The following TTC34 variants were observed in gnomAD, a reference collection of about 807,000 sequenced individuals.
TTC34 encodes tetratricopeptide repeat domain 34, also known as tetratricopeptide repeat protein 34.
A neutral mutation model predicts 40.7 loss-of-function variants in TTC34; 44 were observed. The observed-to-expected ratio is 1.08, with a 90% CI of 0.85 to 1.39. The LOEUF is 1.39. TTC34 is among the 40% of genes most tolerant of loss of function. The probability of loss-of-function intolerance (pLI) is 0.00; values close to 1 mark genes in which losing one functional copy is unlikely to be tolerated. For missense variants in TTC34, 884 were observed against 838.0 expected, an observed-to-expected ratio of 1.05 and a Z score of -0.68; for synonymous variants, 422 against 398.6, an observed-to-expected ratio of 1.06 and a Z score of -0.70.
chr1:2,677,763 C>G (rs1311985389), intron 6 of TTC34, among the ~76,000 whole-genome samples: 9 of 146,312 alleles, frequency 6.2e-5, no homozygotes, highest in Non-Finnish European at 1.2e-4. Flanking sequence ...CCTGGAACAG[C>G]ACCCACACCC....
chr1:2,781,735 C>T (rs1598644), intron 6 of TTC34, among the ~76,000 whole-genome samples: 11,032 of 152,156 alleles, frequency 0.073, 929 homozygotes, highest in African/African-American at 0.21. Flanking sequence ...TAAAAGGGTG[C>T]TGAATTTTGT....
At chr1:2,687,054 G>T (rs1640393458) in intron 6 of TTC34, among the ~76,000 whole-genome samples, 1 of 141,974 alleles carries the variant, frequency 7.0e-6, no homozygotes, top group East Asian at 2.0e-4. Context: ...CCCCAGGCGT[G>T]CATCCGACAG....
chr1:2,660,672 C>CTG (rs1639516033), intron 6 of TTC34, among the ~76,000 whole-genome samples: 2 of 35,452 alleles, frequency 5.6e-5, no homozygotes, highest in Admixed American at 6.8e-4. Context: ...TGCCCACACA[C>CTG]CCAGGCGAGC....
In TTC34 at chr1:2,656,368, ACCCACACCCACAGG is replaced by A; in HGVS notation, c.2227-10819_2227-10806del. On this transcript the variant is annotated intron_variant, in intron 6 of 8. Transcript: ENST00000401095. ...TGAGCATCTGACAGCCTGGAACAGC[ACCCACACCCACAGG>A]TGAGCATCTGACAGCATGTAACAGC... Among the ~76,000 whole-genome samples, 52 of 95,972 alleles carry A rather than the reference ACCCACACCCACAGG, an allele frequency of 5.4e-4. 1 individual carries two copies. Among genetic ancestry groups the A allele is most frequent in the Non-Finnish European group, 8.5e-4 (42 of 49,620 alleles). The allele number at this position is 95,972 out of a possible 152,430, so 63.0% of individuals were successfully genotyped here. A position where few individuals can be genotyped will look rare whatever the true frequency, so the allele number is the denominator to read the frequency against.
chr1:2,758,818 C>T (rs1272346643), intron 6 of TTC34, among the ~76,000 whole-genome samples: 13 of 34,124 alleles, frequency 3.8e-4, no homozygotes, highest in Middle Eastern at 0.011. Flanking sequence ...CATCTGACAG[C>T]CTGAAGCAGC....
chr1:2,677,713 C>A (rs1403573046), intron 6 of TTC34, among the ~76,000 whole-genome samples: 9 of 151,124 alleles, frequency 6.0e-5, no homozygotes, highest in African/African-American at 1.9e-4. Flanking sequence ...ATCTGACAGC[C>A]TGGAACAGCA....
chr1:2,688,319 GAACCCCA>G (rs1640465839), intron 6 of TTC34, among the ~76,000 whole-genome samples: 5 of 63,618 alleles, frequency 7.9e-5, no homozygotes, highest in African/African-American at 4.7e-4. Flanking sequence ...GCCTGGAGCA[GAACCCCA>G]CACCCCCAGG....
intron 6 of TTC34, among the ~76,000 whole-genome samples, chr1:2,649,240 C>A (rs1454407603): frequency 2.0e-5 from 3 of 151,958 alleles, no homozygotes; most frequent in Admixed American, 2.0e-4. Context: ...TGGAACAGGA[C>A]CCCACAACCC....
At chr1:2,792,172 G>T (rs1643670494) in intron 2 of TTC34, among the ~76,000 whole-genome samples, 1 of 151,394 alleles carries the variant, frequency 6.6e-6, no homozygotes, top group South Asian at 2.1e-4. Flanking sequence ...CTCACTTTTG[G>T]ATGTTTTTTG....
intron 5 of TTC34, among the ~76,000 whole-genome samples, 174 bp from the exon 6 acceptor site, chr1:2,783,949 G>C (rs970011220): frequency 6.6e-6 from 1 of 152,104 alleles, no homozygotes. Flanking sequence ...TGGGGGCATT[G>C]GCTGCAGGGC....
intron 6 of TTC34, among the ~76,000 whole-genome samples, chr1:2,759,891 G>GTATCTGAAAGCGTGGAA (rs1641637700): frequency 1.6e-4 from 23 of 145,340 alleles, no homozygotes; most frequent in South Asian, 4.4e-4. Context: ...CCTCAGGTGA[G>GTATCTGAAAGCGTGGAA]CATCTGACAG....
intron 6 of TTC34, among the ~76,000 whole-genome samples, chr1:2,755,723 A>T (rs1264152377): frequency 4.0e-5 from 2 of 49,504 alleles, no homozygotes; most frequent in Non-Finnish European, 7.9e-5. Context: ...AGCATCCGAC[A>T]GCCTGGAGCA....
At chr1:2,799,110 C>G (rs1436527342) in intron 2 of TTC34, among the ~76,000 whole-genome samples, 6 of 151,466 alleles carry the variant, frequency 4.0e-5, no homozygotes, top group Admixed American at 3.3e-4. Context: ...AGCCTCTCAG[C>G]CTCCCGGCCT....
rs867476500 is a variant in TTC34 at position 2,682,072 on chromosome 1, G to A, written c.2227-36509C>T. On this transcript the variant is annotated intron_variant, in intron 6 of 8. Transcript: ENST00000401095. ...TGTGGAGCAGCACCCCACACCCACA[G>A]GTGAGCATCTGACAGCCTGGAGCAG... Among the ~76,000 whole-genome samples, 229 of 133,812 alleles carry A rather than the reference G, an allele frequency of 1.7e-3. 8 individuals are homozygous for A. Among genetic ancestry groups the A allele is most frequent in the African/African-American group, 5.8e-3 (197 of 33,998 alleles). 87.8% of individuals were successfully genotyped at this position (133,812 alleles called of 152,430 possible).
At chr1:2,785,071 G>A (rs1018615698) in intron 5 of TTC34, among the ~76,000 whole-genome samples, 1 of 152,200 alleles carries the variant, frequency 6.6e-6, no homozygotes, top group Non-Finnish European at 1.5e-5. Context: ...GCCAGGTACT[G>A]TCCCAAAATG....
intron 6 of TTC34, among the ~76,000 whole-genome samples, chr1:2,768,689 C>A (rs1179105217): frequency 3.3e-5 from 5 of 150,118 alleles, no homozygotes; most frequent in East Asian, 2.0e-4. Context: ...CAGCATGGAA[C>A]AAGACCACTG....
At chr1:2,687,229 G>A (rs1570817083) in intron 6 of TTC34, among the ~76,000 whole-genome samples, 1 of 147,502 alleles carries the variant, frequency 6.8e-6, no homozygotes, top group East Asian at 1.9e-4. Flanking sequence ...CCGACAGCCT[G>A]GAGCAGCACC....
rs537485505 is a variant in TTC34, at chr1:2,696,880, C to A, written c.2227-51317G>T. On this transcript the variant is annotated intron_variant, in intron 6 of 8. Transcript: ENST00000401095. ...CCGACAGCCTGGAGCAGCACCCACA[C>A]CCCCAGATGCGCATCTGATGGTCTG... 6.5e-3 allele frequency among the ~76,000 whole-genome samples: 281 copies of A among 43,116 alleles called. 100 individuals carry two copies. The highest frequency in any genetic ancestry group is 8.8e-3 in the Non-Finnish European group (156 of 17,752). The allele number at this position is 43,116 out of a possible 152,430, so 28.3% of individuals were successfully genotyped here.
intron 2 of TTC34, among the ~76,000 whole-genome samples, chr1:2,798,513 C>T (rs1643735388): frequency 8.2e-6 from 1 of 122,540 alleles, no homozygotes. Flanking sequence ...CTCTCAGCCT[C>T]CAAACCTCCC....
Sources: allele counts gnomAD v4.1 joint callset (sites outside exome capture counted in the v4.1 genomes callset), GRCh38; gene constraint gnomAD v4.1.1; transcripts MANE v1.5; gene names NCBI Gene and HGNC (gene_info 2026-07-23, HGNC 2026-07-21).